CYFIP1: variants seen among roughly 807,000 people sequenced by gnomAD.
CYFIP1 encodes the protein cytoplasmic FMR1 interacting protein 1.
In CYFIP1, 58 loss-of-function variants were observed where a neutral mutation model predicts 163.5. That is an observed-to-expected ratio of 0.35 (90% CI 0.29 to 0.44). The LOEUF is 0.44. Among genes scored for constraint, CYFIP1 ranks in the 20% least tolerant of loss-of-function variants. CYFIP1 has a pLI of 1.00. For synonymous variants in CYFIP1, 663 were observed against 660.7 expected (o/e 1.00, Z -0.05); for missense variants, 1,338 against 1,653.8 (o/e 0.81, Z 3.31).
In CYFIP1 at chr15:22,969,017, G is replaced by C. The variant is rs574938353; in HGVS notation, c.-7+11270C>G. 7.4e-4 allele frequency among the ~76,000 whole-genome samples: 112 copies of C among 152,276 alleles called. 1 individual carries two copies. The highest frequency in any genetic ancestry group is 1.4e-3 in the Non-Finnish European group (95 of 68,010). Reference sequence around the variant, plus strand: ...GGACAAATCAACACTCATCCCCACTGTCCTGGCCAGGAAAACATGACTGCA... The same window carrying C: ...GGACAAATCAACACTCATCCCCACTCTCCTGGCCAGGAAAACATGACTGCA... On this transcript the variant is annotated intron_variant, in intron 1 of 30. Coordinates refer to ENST00000617928, the MANE Select transcript of CYFIP1 (RefSeq NM_014608.6).
upstream of CYFIP1, chr15:22,980,879 C>T (rs997113353): frequency 3.9e-5 from 6 of 152,282 alleles, no homozygotes; most frequent in Non-Finnish European, 5.9e-5. Flanking sequence ...CCGGCCGGCC[C>T]CTGCGGCCCC....
intron 20 of CYFIP1, 36 bp from the exon 21 acceptor site, chr15:22,909,349 GGACA>G (rs1566956610): frequency 6.2e-7 from 1 of 1,607,140 alleles, no homozygotes; most frequent in South Asian, 1.1e-5. Flanking sequence ...GGTAAAGAGT[GGACA>G]TGAGCAGCTC....
At chr15:22,935,062 GA>G (rs369197887) in intron 9 of CYFIP1, among the ~76,000 whole-genome samples, 2 of 151,816 alleles carry the variant, frequency 1.3e-5, no homozygotes, top group African/African-American at 4.8e-5. Flanking sequence ...TATTCCAGAA[GA>G]AAAAAAATGG....
chr15:22,980,431 T>TCTTCCTCCCGGCGCTC (rs2063448122), upstream of CYFIP1: 2 of 151,898 alleles, frequency 1.3e-5, no homozygotes, highest in African/African-American at 2.4e-5. Flanking sequence ...CGGCTCGGCC[T>TCTTCCTCCCGGCGCTC]CTTCCTCCCG....
intron 1 of CYFIP1, among the ~76,000 whole-genome samples, chr15:22,949,657 A>G (rs968220210): frequency 6.6e-6 from 1 of 152,214 alleles, no homozygotes; most frequent in Non-Finnish European, 1.5e-5. Flanking sequence ...AAATTATAAA[A>G]TATTTCTAGG....
chr15:22,927,797 T>G lies in CYFIP1; in HGVS notation c.1233+109A>C, dbSNP rs541933807. The G allele has an allele frequency of 7.2e-4, 798 of 1,114,186 alleles. 4 individuals carry two copies. In the Middle Eastern group the frequency reaches 8.2e-3, roughly 11 times the overall value. 69.0% of individuals were successfully genotyped at this position (1,114,186 alleles called of 1,614,324 possible). ...TTGGAAACATATCTACTGATAGATA[T>G]TCTCGTCTTTCTAGGGCCAAAGATA... On this transcript the variant is annotated intron_variant, in intron 12 of 30. Coordinates refer to ENST00000617928, the MANE Select transcript of CYFIP1 (RefSeq NM_014608.6).
intron 30 of CYFIP1, among the ~76,000 whole-genome samples, chr15:22,871,052 G>A (rs1287239542): frequency 6.6e-6 from 1 of 152,166 alleles, no homozygotes; most frequent in Non-Finnish European, 1.5e-5. Context: ...AAGCAAGCGG[G>A]ACCACACCGA....
chr15:22,942,748 G>T (rs751200746), intron 6 of CYFIP1, among the ~76,000 whole-genome samples: 4 of 152,160 alleles, frequency 2.6e-5, no homozygotes, highest in Non-Finnish European at 4.4e-5. Context: ...ATGTGCTGGG[G>T]ACCCCCGCTG....
At chr15:22,926,556 GACCATGTAC>G (rs2061363819) in intron 12 of CYFIP1, among the ~76,000 whole-genome samples, 1 of 152,112 alleles carries the variant, frequency 6.6e-6, no homozygotes, top group African/African-American at 2.4e-5. Context: ...CCTTTCAAAT[GACCATGTAC>G]TCTTCCAATT....
At position 22,870,331 on chromosome 15, in the gene CYFIP1, T is replaced by TC. The variant is rs1056569531; in HGVS notation, c.3598-140_3598-139insG. 4.8e-6 allele frequency: 5 copies of TC among 1,044,074 alleles called. No homozygotes were observed. In the African/African-American group the frequency reaches 6.7e-5, roughly 14 times the overall value. 64.7% of individuals were successfully genotyped at this position (1,044,074 alleles called of 1,614,324 possible). A position where few individuals can be genotyped will look rare whatever the true frequency, so the allele number is the denominator to read the frequency against. ...GACACACATACTGTTCTTTTTGGGT[T>TC]TTTTTTTGTAAGATAGGGTCTCACT... On this transcript the variant is annotated intron_variant, in intron 30 of 30. Transcript: ENST00000617928.
chr15:22,931,667 A>G (rs1460173389), intron 11 of CYFIP1, among the ~76,000 whole-genome samples: 1 of 106,718 alleles, frequency 9.4e-6, no homozygotes, highest in Non-Finnish European at 1.8e-5. Flanking sequence ...TTCTCTTGGG[A>G]TCCCTATAAT....
rs757656837 is a variant in CYFIP1 at position 22,881,956 on chromosome 15, G to A, written c.2821-20C>T. On this transcript the variant is annotated intron_variant, in intron 24 of 30. Coordinates refer to ENST00000617928, the MANE Select transcript of CYFIP1 (RefSeq NM_014608.6). Reference sequence around the variant, plus strand: ...TTGCAGCTGCCGGGGAGATGAGACGGGCTGCGTCAGCCACCCCACTCCGCT... The same window carrying A: ...TTGCAGCTGCCGGGGAGATGAGACGAGCTGCGTCAGCCACCCCACTCCGCT... 6.2e-7 allele frequency: 1 copy of A among 1,605,666 alleles called. No individual in the cohort carries two copies. Among genetic ancestry groups the A allele is most frequent in the Non-Finnish European group, 8.5e-7 (1 of 1,176,004 alleles).
intron 22 of CYFIP1, among the ~76,000 whole-genome samples, chr15:22,893,810 C>G (rs2060146177): frequency 1.3e-5 from 2 of 152,166 alleles, no homozygotes; most frequent in African/African-American, 4.8e-5. Flanking sequence ...GTGCCACAGT[C>G]CTCAGTGCTT....
chr15:22,874,950 T>C (rs960477446), intron 27 of CYFIP1, among the ~76,000 whole-genome samples: 2 of 152,174 alleles, frequency 1.3e-5, no homozygotes, highest in Non-Finnish European at 2.9e-5. Context: ...CTCTGCTTCT[T>C]ATATACCCAA....
intron 1 of CYFIP1, among the ~76,000 whole-genome samples, chr15:22,957,502 G>A (rs1341401688): frequency 6.6e-6 from 1 of 152,174 alleles, no homozygotes. Context: ...CAGGCATGGT[G>A]GCGGGCGCCT....
chr15:22,951,239 G>A (rs989993376), intron 1 of CYFIP1: 3 of 890,500 alleles, frequency 3.4e-6, no homozygotes, highest in East Asian at 2.3e-4. Flanking sequence ...CGACACGTAA[G>A]GGAACGCCCC....
intron 23 of CYFIP1, among the ~76,000 whole-genome samples, chr15:22,888,532 G>A (rs1010782793): frequency 2.6e-5 from 4 of 151,762 alleles, no homozygotes; most frequent in East Asian, 1.9e-4. Context: ...AGGAGTTCGC[G>A]ACCAGCCTGT....
chr15:22,947,362 G>C, intron 1 of CYFIP1, 71 bp from the exon 2 acceptor site: 4 of 1,575,646 alleles, frequency 2.5e-6, no homozygotes, highest in Non-Finnish European at 3.5e-6. Context: ...TCGAGGTTGG[G>C]TACCCAGGCC....
At chr15:22,970,649 C>T (rs58173662) in intron 1 of CYFIP1, among the ~76,000 whole-genome samples, 8,529 of 152,146 alleles carry the variant, frequency 0.056, 716 homozygotes, top group African/African-American at 0.17. Flanking sequence ...ACATATGTGG[C>T]CAAACAATTT....
Sources: allele counts gnomAD v4.1 joint callset (sites outside exome capture counted in the v4.1 genomes callset), GRCh38; gene constraint gnomAD v4.1.1; transcripts MANE v1.5; gene names NCBI Gene and HGNC (gene_info 2026-07-23, HGNC 2026-07-21).